Variants in TDP1 observed in about 807,000 individuals in gnomAD.
TDP1 encodes the protein tyrosyl-DNA phosphodiesterase 1.
In TDP1, 64 loss-of-function variants were observed where a neutral mutation model predicts 81.5. The ratio of observed to expected loss-of-function variants is 0.79; its 90% CI spans 0.64 to 0.97. The LOEUF is 0.97. Among genes scored for constraint, TDP1 ranks in the 50% least tolerant of loss-of-function variants. TDP1 has a pLI of 0.00. For synonymous variants in TDP1, 256 were observed against 264.3 expected, an observed-to-expected ratio of 0.97 and a Z score of 0.30; for missense variants, 723 against 743.8, an observed-to-expected ratio of 0.97 and a Z score of 0.33.
intron 15 of TDP1, among the ~76,000 whole-genome samples, chr14:90,023,332 A>C (rs1021992856): frequency 5.9e-5 from 9 of 152,074 alleles, no homozygotes; most frequent in African/African-American, 2.2e-4. Context: ...GGGAAAGAGC[A>C]AACAGTTCTG....
chr14:90,032,839 CTT>C, intron 15 of TDP1: 1 of 984,858 alleles, frequency 1.0e-6, no homozygotes, highest in South Asian at 4.7e-5. Flanking sequence ...AATTGTCTCT[CTT>C]GTTTCTTTGT....
intron 14 of TDP1, among the ~76,000 whole-genome samples, chr14:89,995,996 GGC>G (rs1896621215): frequency 6.6e-6 from 1 of 152,118 alleles, no homozygotes; most frequent in Non-Finnish European, 1.5e-5. Flanking sequence ...GCTTGAGGTG[GGC>G]ACATGGATGC....
chr14:89,968,041 A>G (rs976687992), intron 5 of TDP1, among the ~76,000 whole-genome samples: 1 of 152,140 alleles, frequency 6.6e-6, no homozygotes, highest in African/African-American at 2.4e-5. Flanking sequence ...ACAAGAAATA[A>G]TGATTGTCAG....
chr14:90,003,522 T>C (rs1432920505), intron 14 of TDP1, among the ~76,000 whole-genome samples: 2 of 152,166 alleles, frequency 1.3e-5, no homozygotes, highest in Non-Finnish European at 2.9e-5. Context: ...ATGACAAATG[T>C]GGTATTTAAA....
intron 10 of TDP1, 188 bp from the exon 11 acceptor site, chr14:89,988,717 G>A: frequency 1.0e-6 from 1 of 980,378 alleles, no homozygotes. Context: ...TTAAAAATAT[G>A]TTTTTAGTAT....
intron 1 of TDP1, chr14:89,956,298 G>C (rs919136833): frequency 6.6e-6 from 1 of 152,340 alleles, no homozygotes; most frequent in African/African-American, 2.4e-5. Flanking sequence ...CCCAGAAAGT[G>C]AGTAGGAAAG....
chr14:89,992,102 C>T (rs1419477749), intron 13 of TDP1, 119 bp downstream of exon 13: 2 of 820,800 alleles, frequency 2.4e-6, no homozygotes, highest in Non-Finnish European at 3.9e-6. Context: ...ATTCTTTCAT[C>T]TACATATGTT....
At chr14:90,009,705 A>G (rs568985465) in intron 14 of TDP1, among the ~76,000 whole-genome samples, 3 of 152,376 alleles carry the variant, frequency 2.0e-5, no homozygotes, top group Non-Finnish European at 2.9e-5. Context: ...AGAAGATATG[A>G]CTGTGCATTT....
chr14:89,962,197 A>G (rs1166815928), intron 2 of TDP1, among the ~76,000 whole-genome samples: 1 of 152,206 alleles, frequency 6.6e-6, no homozygotes, highest in Non-Finnish European at 1.5e-5. Context: ...GGATAATTAT[A>G]TCTTGATATA....
intron 14 of TDP1, among the ~76,000 whole-genome samples, chr14:90,011,223 T>G (rs1884663431): frequency 6.6e-6 from 1 of 152,210 alleles, no homozygotes; most frequent in South Asian, 2.1e-4. Context: ...CTCCTTTCCT[T>G]TATAAATTAC....
At chr14:89,989,324 A>G (rs920376623) in intron 11 of TDP1, 13 of 985,178 alleles carry the variant, frequency 1.3e-5, no homozygotes, top group African/African-American at 1.7e-5. Context: ...CAGGAGCTCC[A>G]TTGCAGACAC....
intron 7 of TDP1, among the ~76,000 whole-genome samples, chr14:89,978,943 C>G (rs1458020633): frequency 1.3e-5 from 2 of 151,100 alleles, no homozygotes; most frequent in East Asian, 1.9e-4. Flanking sequence ...ATCTCATTCT[C>G]TTGTCTCTTC....
chr14:89,960,915 T>G (rs1423584086), intron 2 of TDP1, among the ~76,000 whole-genome samples: 2 of 152,168 alleles, frequency 1.3e-5, no homozygotes, highest in African/African-American at 4.8e-5. Flanking sequence ...TCTATACATT[T>G]AGAAAGGAGA....
intron 15 of TDP1, chr14:90,022,779 A>C (rs1366353529): frequency 2.2e-5 from 22 of 985,180 alleles, no homozygotes; most frequent in Non-Finnish European, 2.5e-5. Context: ...TCACAAAATT[A>C]ACATTGATGG....
intron 2 of TDP1, among the ~76,000 whole-genome samples, chr14:89,957,436 C>G (rs764102746): frequency 1.3e-5 from 2 of 152,228 alleles, no homozygotes; most frequent in Non-Finnish European, 2.9e-5. Context: ...GTTAACTAAC[C>G]TGCCCAAGTG....
chr14:90,021,067 C>T (rs1446885109), intron 15 of TDP1, among the ~76,000 whole-genome samples: 3 of 152,136 alleles, frequency 2.0e-5, no homozygotes, highest in Non-Finnish European at 4.4e-5. Context: ...GCTGGGATTA[C>T]AGGTGTGTGC....
chr14:90,037,741 G>A (rs34328141), intron 16 of TDP1, among the ~76,000 whole-genome samples: 15,102 of 152,110 alleles, frequency 0.099, 1,718 homozygotes, highest in African/African-American at 0.27. Flanking sequence ...ATTCTCTTAC[G>A]TAACTACAGT....
At chr14:89,955,801 T>A (rs1368370553), upstream of TDP1, 2 of 145,952 alleles carry the variant, frequency 1.4e-5, no homozygotes, top group Non-Finnish European at 2.9e-5. Flanking sequence ...CCCAGCCCCG[T>A]CCTGGGTAAA....
intron 14 of TDP1, among the ~76,000 whole-genome samples, chr14:89,997,300 A>C (rs965402118): frequency 6.6e-6 from 1 of 152,192 alleles, no homozygotes; most frequent in Non-Finnish European, 1.5e-5. Context: ...GAGGCTGATG[A>C]AGCCTAGGAT....
Sources: gnomAD v4.1 joint callset for allele counts (sites outside exome capture counted in the v4.1 genomes callset) on GRCh38, gnomAD v4.1.1 for gene constraint, MANE v1.5 for transcripts, NCBI Gene and HGNC (gene_info 2026-07-23, HGNC 2026-07-21) for gene names.